The following PAXIP1 variants were observed in gnomAD, a reference collection of about 807,000 sequenced individuals.
PAXIP1 encodes the protein PAX-interacting protein 1.
In PAXIP1, 19 loss-of-function variants were observed where a neutral mutation model predicts 140.6. The ratio of observed to expected loss-of-function variants is 0.14; its 90% confidence interval spans 0.09 to 0.20. The LOEUF (loss-of-function observed/expected upper bound fraction) is 0.20, where lower values mean the gene tolerates loss of function less well. Among genes scored for constraint, PAXIP1 ranks in the 10% least tolerant of loss-of-function variants. The pLI, the probability that PAXIP1 is intolerant of heterozygous loss-of-function variation, is 1.00. For missense variants in PAXIP1, 920 were observed against 1,208.6 expected, an observed-to-expected ratio of 0.76 and a Z score of 3.54; for synonymous variants, 442 against 444.6, an observed-to-expected ratio of 0.99 and a Z score of 0.07.
rs1169028467 is a variant in PAXIP1, at chr7:154,956,620, A to G, written c.2549+604T>C. ...AAATGATATGCATCTCAATCTGCAT[A>G]CTCCAAGCCAAAACCCAACATGCCA... On this transcript the variant is annotated intron_variant, in intron 14 of 20. Coordinates refer to ENST00000404141, the MANE Select transcript of PAXIP1 (RefSeq NM_007349.4). The surrounding 1 kb of genome is among the most constrained non-coding windows in gnomAD (Gnocchi z 4.2). 1 of 152,196 alleles carries G rather than the reference A, an allele frequency of 6.6e-6. No individual in the cohort carries two copies. The highest frequency in any genetic ancestry group is 2.4e-5 in the African/African-American group (1 of 41,434). The allele number at this position is 152,196 out of a possible 1,614,324, so 9.4% of individuals were successfully genotyped here. A position where few individuals can be genotyped will look rare whatever the true frequency, so the allele number is the denominator to read the frequency against.
chr7:154,971,503 C>G (rs1189810677), intron 6 of PAXIP1, among the ~76,000 whole-genome samples: 1 of 152,232 alleles, frequency 6.6e-6, no homozygotes, highest in Non-Finnish European at 1.5e-5. Flanking sequence ...ATCGAGATGC[C>G]TCCCAAAACC....
At chr7:154,990,889 ACAGT>A (rs774051833) in intron 4 of PAXIP1, 113 bp downstream of exon 4, 14 of 598,704 alleles carry the variant, frequency 2.3e-5, no homozygotes, top group South Asian at 2.3e-4. Flanking sequence ...TATTAAATAC[ACAGT>A]CAGTTTAGAA....
chr7:154,958,330 G>A (rs964022695), intron 13 of PAXIP1, among the ~76,000 whole-genome samples: 2 of 152,214 alleles, frequency 1.3e-5, no homozygotes, highest in Non-Finnish European at 2.9e-5. Flanking sequence ...CAACTCAGAG[G>A]TTCTTTGACT....
intron 6 of PAXIP1, among the ~76,000 whole-genome samples, 173 bp downstream of exon 6, chr7:154,975,522 AT>A (rs1809528851): frequency 2.1e-5 from 1 of 47,424 alleles, no homozygotes; most frequent in Admixed American, 3.0e-4. Flanking sequence ...ATATATACAC[AT>A]ACACACACAC....
intron 20 of PAXIP1, chr7:154,944,916 C>T (rs1379267051): frequency 1.3e-5 from 2 of 151,528 alleles, no homozygotes; most frequent in East Asian, 3.9e-4. Context: ...CTCATTCCAA[C>T]TAGACAGGCT....
At chr7:154,957,153 C>T (rs1181275262) in intron 14 of PAXIP1, 71 bp downstream of exon 14, 4 of 770,742 alleles carry the variant, frequency 5.2e-6, no homozygotes, top group Non-Finnish European at 8.7e-6. Context: ...AAACTTTCCT[C>T]AATTGCCACC....
intron 5 of PAXIP1, among the ~76,000 whole-genome samples, chr7:154,978,140 T>G (rs2150768885): frequency 6.6e-6 from 1 of 152,360 alleles, no homozygotes; most frequent in South Asian, 2.1e-4. Context: ...AGCAGCACAA[T>G]GAACTATGAT....
At chr7:154,971,852 T>C (rs1267460441) in intron 6 of PAXIP1, among the ~76,000 whole-genome samples, 2 of 152,242 alleles carry the variant, frequency 1.3e-5, no homozygotes, top group East Asian at 3.8e-4. Flanking sequence ...ATCTGTCTCA[T>C]ATTTCTAAAG....
Position 154,998,711 on chromosome 7 carries a change from T to G in PAXIP1, c.155A>C (p.Glu52Ala). Residue 52 changes from glutamate (E) to alanine (A), a missense_variant, in exon 2 of 21, where the codon GAG becomes GCG. Physicochemically the swap from Glu to Ala is moderately radical, Grantham distance 107. Coordinates refer to ENST00000404141, the MANE Select transcript of PAXIP1 (RefSeq NM_007349.4). ...YNALASHIIS[E>A]DGDNPEVGEA... is the part of the protein sequence containing the mutation. ...TCCCACCTCTGGATTGTCCCCATCC[T>G]CTGAGATTATGTGTGAGGCTAGTGC... 1.2e-6 allele frequency: 2 copies of G among 1,613,574 alleles called. No homozygotes were observed. Among genetic ancestry groups the G allele is most frequent in the African/African-American group, 2.7e-5 (2 of 75,028 alleles).
At chr7:154,980,619 G>C (rs1182312937) in intron 5 of PAXIP1, among the ~76,000 whole-genome samples, 1 of 151,992 alleles carries the variant, frequency 6.6e-6, no homozygotes, top group Non-Finnish European at 1.5e-5. Context: ...TCACTTTGTT[G>C]CCCAGGCTGG....
At position 154,968,583 on chromosome 7, in the gene PAXIP1, T is replaced by C. The variant is rs1298633409; in HGVS notation, c.1618A>G (p.Met540Val). The change falls in exon 7 of 21, where the codon ATG (methionine) becomes GTG (valine). Residue 540 changes from methionine (M) to valine (V), a missense_variant. This residue lies in a region of PAXIP1 where 133 missense variants were observed against 88.4 expected (regional missense o/e 1.50). Coordinates refer to ENST00000404141, the MANE Select transcript of PAXIP1 (RefSeq NM_007349.4). ...TGCTGCTGCTGCTGCTGCTGGTGCATGCGCTGGAGCTGCTGCTGCTGAATC... is the reference window on the plus strand; with the variant it reads ...TGCTGCTGCTGCTGCTGCTGGTGCACGCGCTGGAGCTGCTGCTGCTGAATC... ...QQIQQQQLQR[M>V]HQQQQQQQMQ... 1.4e-6 allele frequency: 1 copy of C among 716,614 alleles called. No homozygotes were observed. Among genetic ancestry groups the C allele is most frequent in the Admixed American group, 2.0e-5 (1 of 49,750 alleles). The allele number at this position is 716,614 out of a possible 1,614,324, so 44.4% of individuals were successfully genotyped here.
chr7:154,969,044 G>C lies in PAXIP1; in HGVS notation c.1157C>G (p.Ala386Gly). 6.5e-7 allele frequency: 1 copy of C among 1,540,492 alleles called. No homozygotes were observed. The highest frequency in any genetic ancestry group is 2.5e-5 in the East Asian group (1 of 40,800). Residue 386 changes from alanine (A) to glycine (G), a missense_variant, in exon 7 of 21, where the codon GCA becomes GGA. Physicochemically the swap from Ala to Gly is moderately conservative, Grantham distance 60 (BLOSUM62 0). Transcript: ENST00000404141. ...CACTTTCACTTGGCTAAACAGCACT[G>C]CATTGGCATTTGTATGTCCCTGCTG... ...HSQQGHTNAN[A>G]VLFSQVKVTP...
chr7:154,955,779 G>A, intron 14 of PAXIP1, 148 bp from the exon 15 acceptor site: 2 of 521,482 alleles, frequency 3.8e-6, no homozygotes, highest in Non-Finnish European at 6.8e-6. Context: ...TGAGCTATCT[G>A]TCCTTCCTTT....
At chr7:154,945,581 C>A (rs1807922477) in intron 20 of PAXIP1, 14 of 985,062 alleles carry the variant, frequency 1.4e-5, no homozygotes, top group African/African-American at 5.2e-5. Context: ...GAGGTTGACA[C>A]TGGTCAGAGG....
In PAXIP1 at chr7:155,003,047, C is replaced by T; in HGVS notation, c.-118G>A. The stretch of plus-strand genomic sequence containing the variant: ...CGCCAACGGCCCTGCCCGCGCAGCC[C>T]GGGCCCGGTCCTGCGAATCGGGGTC... On this transcript the variant is annotated 5_prime_UTR_variant, in exon 1 of 21. Coordinates refer to ENST00000404141, the MANE Select transcript of PAXIP1 (RefSeq NM_007349.4). The T allele has an allele frequency of 3.7e-6, 1 of 268,226 alleles. No homozygotes were observed. The highest frequency in any genetic ancestry group is 5.6e-6 in the Non-Finnish European group (1 of 177,310). 16.6% of individuals were successfully genotyped at this position (268,226 alleles called of 1,614,324 possible).
intron 6 of PAXIP1, 23 bp from the exon 7 acceptor site, chr7:154,969,149 A>G: frequency 6.9e-7 from 1 of 1,446,836 alleles, no homozygotes; most frequent in East Asian, 2.5e-5. Context: ...AGTTAGGTGA[A>G]ACATTATCAA....
At chr7:154,999,680 G>A (rs985169839) in intron 1 of PAXIP1, among the ~76,000 whole-genome samples, 1 of 152,206 alleles carries the variant, frequency 6.6e-6, no homozygotes, top group African/African-American at 2.4e-5. Flanking sequence ...AAGGCTGGCA[G>A]GTGGGGACAC....
intron 13 of PAXIP1, among the ~76,000 whole-genome samples, chr7:154,959,331 C>T (rs945005822): frequency 1.3e-5 from 2 of 152,152 alleles, no homozygotes; most frequent in Non-Finnish European, 2.9e-5. Context: ...GTAAAAAAAA[C>T]TGCTGTTCTC....
At chr7:154,948,263 G>A (rs879511352) in intron 16 of PAXIP1, 5 of 409,720 alleles carry the variant, frequency 1.2e-5, no homozygotes, top group South Asian at 5.8e-5. Context: ...TGAAAAAAAC[G>A]GGCTGGGTGT....
Sources: allele counts gnomAD v4.1 joint callset (sites outside exome capture counted in the v4.1 genomes callset), GRCh38; gene constraint gnomAD v4.1.1; regional missense constraint gnomAD v4.1.1; non-coding constraint Gnocchi (gnomAD v3.1); transcripts MANE v1.5; gene names NCBI Gene and HGNC (gene_info 2026-07-23, HGNC 2026-07-21).